The following PAK5 variants were observed in gnomAD, a reference collection of about 807,000 sequenced individuals.
PAK5 encodes the protein p21 (RAC1) activated kinase 5, also known as serine/threonine-protein kinase PAK 5.
In PAK5, 16 loss-of-function variants were observed where a neutral mutation model predicts 65.9. The ratio of observed to expected loss-of-function variants is 0.24; its 90% CI spans 0.16 to 0.37. PAK5 has a LOEUF of 0.37. Ranked by LOEUF, PAK5 falls within the 10% of genes least tolerant of loss-of-function variation. The pLI is 1.00. For synonymous variants in PAK5, 371 were observed against 354.9 expected (o/e 1.05, Z -0.51); for missense variants, 785 against 903.9 (o/e 0.87, Z 1.69).
intron 6 of PAK5, among the ~76,000 whole-genome samples, chr20:9,558,948 G>GGGCC (rs1288136985): frequency 6.6e-6 from 1 of 152,180 alleles, no homozygotes; most frequent in Non-Finnish European, 1.5e-5. Flanking sequence ...AAATGGCCAG[G>GGGCC]TCATGATTCA....
intron 2 of PAK5, among the ~76,000 whole-genome samples, chr20:9,702,175 T>A (rs1399963304): frequency 6.6e-6 from 1 of 151,962 alleles, no homozygotes; most frequent in Non-Finnish European, 1.5e-5. Context: ...AATATGATGA[T>A]AACAACACTG....
chr20:9,696,428 A>G (rs977555278), intron 2 of PAK5, among the ~76,000 whole-genome samples: 1 of 152,074 alleles, frequency 6.6e-6, no homozygotes, highest in Admixed American at 6.6e-5. Context: ...CATTTACTCT[A>G]TATTACAACA....
intron 1 of PAK5, among the ~76,000 whole-genome samples, chr20:9,739,291 T>A (rs1295825829): frequency 6.6e-6 from 1 of 151,796 alleles, no homozygotes; most frequent in African/African-American, 2.4e-5. Flanking sequence ...CTTCTCTACT[T>A]GGCTAGAGCT....
chr20:9,734,716 C>A (rs893726280), intron 1 of PAK5, among the ~76,000 whole-genome samples: 1 of 152,172 alleles, frequency 6.6e-6, no homozygotes, highest in African/African-American at 2.4e-5. Flanking sequence ...TAAAAGTTTT[C>A]TCTCATTGTG....
At chr20:9,659,313 A>G (rs930783331) in intron 2 of PAK5, among the ~76,000 whole-genome samples, 3 of 152,122 alleles carry the variant, frequency 2.0e-5, no homozygotes, top group African/African-American at 7.2e-5. Context: ...TGTAACCTTA[A>G]TTTTGCTTTA....
At chr20:9,549,788 T>C (rs527462567) in intron 7 of PAK5, among the ~76,000 whole-genome samples, 1 of 152,304 alleles carries the variant, frequency 6.6e-6, no homozygotes, top group African/African-American at 2.4e-5. Context: ...AGTGCCGATT[T>C]GCTGAGCATG....
At chr20:9,710,157 C>T (rs2123484812) in intron 2 of PAK5, among the ~76,000 whole-genome samples, 1 of 152,170 alleles carries the variant, frequency 6.6e-6, no homozygotes, top group South Asian at 2.1e-4. Flanking sequence ...GACACCCTTC[C>T]CACAGGCTGC....
At chr20:9,562,839 C>T (rs1163356155) in intron 6 of PAK5, 52 bp downstream of exon 6, 3 of 1,560,838 alleles carry the variant, frequency 1.9e-6, no homozygotes, top group African/African-American at 2.8e-5. Context: ...CGGCTTTATC[C>T]TGGAGAAGAA....
At chr20:9,730,129 ATTAG>A (rs1008339854) in intron 1 of PAK5, among the ~76,000 whole-genome samples, 6 of 151,908 alleles carry the variant, frequency 3.9e-5, no homozygotes, top group South Asian at 2.1e-4. Context: ...ATGTAAAATA[ATTAG>A]TTATTTATAT....
intron 7 of PAK5, among the ~76,000 whole-genome samples, chr20:9,545,838 G>T (rs1057208042): frequency 2.0e-5 from 3 of 151,894 alleles, no homozygotes; most frequent in Non-Finnish European, 4.4e-5. Context: ...TATCAGTCCT[G>T]TTCTAGTGAA....
At chr20:9,806,256 T>A (rs949440800) in intron 1 of PAK5, among the ~76,000 whole-genome samples, 1 of 152,178 alleles carries the variant, frequency 6.6e-6, no homozygotes, top group South Asian at 2.1e-4. Context: ...CCCAAAGTGC[T>A]GGGATTACTG....
intron 3 of PAK5, among the ~76,000 whole-genome samples, chr20:9,599,127 CT>C (rs1033463012): frequency 2.6e-4 from 40 of 152,268 alleles, no homozygotes; most frequent in African/African-American, 9.4e-4. Flanking sequence ...AAGACTTGTT[CT>C]TTTGTCCCTG....
intron 2 of PAK5, among the ~76,000 whole-genome samples, chr20:9,656,038 C>T (rs1889042301): frequency 6.6e-6 from 1 of 152,080 alleles, no homozygotes; most frequent in Non-Finnish European, 1.5e-5. Context: ...GTTAGGATTT[C>T]AATATATGAA....
chr20:9,540,930 G>T (rs564366214), intron 9 of PAK5, among the ~76,000 whole-genome samples: 4 of 152,152 alleles, frequency 2.6e-5, no homozygotes, highest in Non-Finnish European at 4.4e-5. Context: ...TGGAGATGGG[G>T]TTTCACCGTG....
chr20:9,799,885 G>C (rs1163900673), intron 1 of PAK5, among the ~76,000 whole-genome samples: 1 of 125,786 alleles, frequency 8.0e-6, no homozygotes, highest in Non-Finnish European at 1.6e-5. Flanking sequence ...AAGTTGTTGT[G>C]AGCCAAGACC....
At chr20:9,790,881 T>A (rs2049043459) in intron 1 of PAK5, among the ~76,000 whole-genome samples, 1 of 152,108 alleles carries the variant, frequency 6.6e-6, no homozygotes, top group Admixed American at 6.6e-5. Context: ...GATATCTCAC[T>A]CTGTACCATA....
At chr20:9,732,191 GT>G (rs5840327) in intron 1 of PAK5, among the ~76,000 whole-genome samples, 74,681 of 151,612 alleles carry the variant, frequency 0.49, 18,446 homozygotes, top group South Asian at 0.63. Flanking sequence ...GAAAGTTTAA[GT>G]TAAAAAAAAA....
At chr20:9,792,334 G>T (rs959929036) in intron 1 of PAK5, among the ~76,000 whole-genome samples, 1 of 152,102 alleles carries the variant, frequency 6.6e-6, no homozygotes, top group Non-Finnish European at 1.5e-5. Context: ...GAGAAGTTTG[G>T]TAATCATGGT....
At chr20:9,778,372 G>A (rs2048907471) in intron 1 of PAK5, among the ~76,000 whole-genome samples, 1 of 152,110 alleles carries the variant, frequency 6.6e-6, no homozygotes, top group Non-Finnish European at 1.5e-5. Context: ...CATGTGGCTA[G>A]GACTACAGGT....
Sources: allele counts gnomAD v4.1 joint callset (sites outside exome capture counted in the v4.1 genomes callset), GRCh38; gene constraint gnomAD v4.1.1; transcripts MANE v1.5; gene names NCBI Gene and HGNC (gene_info 2026-07-23, HGNC 2026-07-21).